Variants in TBCEL observed in about 807,000 individuals in gnomAD.
TBCEL encodes tubulin folding cofactor E like.
In TBCEL, 15 loss-of-function variants were observed where a neutral mutation model predicts 44.2. The observed-to-expected ratio is 0.34, with a 90% confidence interval of 0.23 to 0.52. The LOEUF (loss-of-function observed/expected upper bound fraction) is 0.52. TBCEL is among the 20% of genes least tolerant of loss of function. The probability of loss-of-function intolerance (pLI) is 0.95; values close to 1 mark genes in which losing one functional copy is unlikely to be tolerated. For synonymous variants in TBCEL, 171 were observed against 185.4 expected (o/e 0.92, Z 0.63); for missense variants, 319 against 506.3 (o/e 0.63, Z 3.55).
At chr11:121,052,291 C>T (rs561639553) in intron 4 of TBCEL, among the ~76,000 whole-genome samples, 2 of 151,692 alleles carry the variant, frequency 1.3e-5, no homozygotes, top group South Asian at 2.1e-4. Flanking sequence ...GTTGGGGGTA[C>T]GTAGGGAAAC....
intron 7 of TBCEL, among the ~76,000 whole-genome samples, chr11:121,059,566 A>C (rs1268809386): frequency 6.6e-6 from 1 of 152,000 alleles, no homozygotes; most frequent in Non-Finnish European, 1.5e-5. Context: ...TACATGTCAA[A>C]ATGATTATAT....
At chr11:121,049,307 G>A (rs1945487983) in intron 4 of TBCEL, among the ~76,000 whole-genome samples, 1 of 151,772 alleles carries the variant, frequency 6.6e-6, no homozygotes, top group African/African-American at 2.4e-5. Flanking sequence ...AGTAGATATT[G>A]AATGCTATAC....
chr11:121,039,448 G>A (rs575786828), intron 2 of TBCEL, among the ~76,000 whole-genome samples: 23 of 152,296 alleles, frequency 1.5e-4, no homozygotes, highest in African/African-American at 5.3e-4. Flanking sequence ...GCAGAGTTTG[G>A]ATTTTATTCC....
chr11:121,046,799 C>T (rs961639738), intron 3 of TBCEL, among the ~76,000 whole-genome samples: 2 of 151,986 alleles, frequency 1.3e-5, no homozygotes, highest in African/African-American at 4.8e-5. Context: ...TGTTTTTGAA[C>T]CAGGCAGTAG....
intron 8 of TBCEL, among the ~76,000 whole-genome samples, chr11:121,073,974 C>G (rs1945985705): frequency 1.3e-5 from 2 of 151,792 alleles, no homozygotes; most frequent in South Asian, 4.2e-4. Flanking sequence ...TGGGATGTTT[C>G]CATCTATTTT....
intron 7 of TBCEL, among the ~76,000 whole-genome samples, chr11:121,059,670 T>G (rs866538013): frequency 6.6e-6 from 1 of 152,032 alleles, no homozygotes; most frequent in Non-Finnish European, 1.5e-5. Flanking sequence ...TTAAAGAATT[T>G]AAAATTACAT....
In TBCEL at chr11:121,087,850, A is replaced by G. The variant is rs981335672; in HGVS notation, c.*754A>G. On this transcript the variant is annotated 3_prime_UTR_variant, in exon 9 of 9. Coordinates refer to ENST00000683345, the MANE Select transcript of TBCEL (RefSeq NM_001363644.2). Reference sequence around the variant, plus strand: ...CGGCAGAACAGTCTGATCTCTTTGTATGTTACTAACTCACTTTTAATGTCC... The same window carrying G: ...CGGCAGAACAGTCTGATCTCTTTGTGTGTTACTAACTCACTTTTAATGTCC... 5 of 152,188 alleles carry G rather than the reference A, an allele frequency of 3.3e-5. 1 individual carries two copies. Among genetic ancestry groups the G allele is most frequent in the Admixed American group, 2.6e-4 (4 of 15,268 alleles). 9.4% of individuals were successfully genotyped at this position (152,188 alleles called of 1,614,324 possible).
At chr11:121,083,782 G>A (rs1195245539) in intron 8 of TBCEL, among the ~76,000 whole-genome samples, 1 of 152,046 alleles carries the variant, frequency 6.6e-6, no homozygotes, top group Non-Finnish European at 1.5e-5. Flanking sequence ...AGGACTCATG[G>A]TGCTCTGTTT....
chr11:121,064,794 A>G (rs752666845), intron 8 of TBCEL, among the ~76,000 whole-genome samples: 3 of 152,052 alleles, frequency 2.0e-5, no homozygotes, highest in Non-Finnish European at 2.9e-5. Context: ...CACAATAATA[A>G]TTATAATCTC....
intron 4 of TBCEL, among the ~76,000 whole-genome samples, chr11:121,051,588 A>T (rs1945529919): frequency 6.6e-6 from 1 of 151,810 alleles, no homozygotes; most frequent in Non-Finnish European, 1.5e-5. Flanking sequence ...TTGGTCACAG[A>T]CTGAGCTCCA....
intron 8 of TBCEL, among the ~76,000 whole-genome samples, chr11:121,083,364 A>G (rs1946160426): frequency 6.6e-6 from 1 of 152,162 alleles, no homozygotes; most frequent in African/African-American, 2.4e-5. Flanking sequence ...AATAAGAATG[A>G]CTGTTCACTT....
chr11:121,083,237 G>A (rs187485539), intron 8 of TBCEL, among the ~76,000 whole-genome samples: 1 of 152,338 alleles, frequency 6.6e-6, no homozygotes, highest in African/African-American at 2.4e-5. Context: ...GGGTGAACAA[G>A]AGAAATGCAG....
chr11:121,066,571 A>G (rs1288109510), intron 8 of TBCEL, among the ~76,000 whole-genome samples: 1 of 152,240 alleles, frequency 6.6e-6, no homozygotes. Flanking sequence ...TTTACTCAGC[A>G]AATGTCTTTT....
intron 1 of TBCEL, among the ~76,000 whole-genome samples, chr11:121,031,726 A>G (rs1191655487): frequency 8.3e-6 from 1 of 121,092 alleles, no homozygotes; most frequent in Non-Finnish European, 1.6e-5. Context: ...GTGCAGTGGT[A>G]TGATCTCTGC....
intron 8 of TBCEL, among the ~76,000 whole-genome samples, chr11:121,072,885 A>C (rs1230467087): frequency 6.6e-6 from 1 of 152,152 alleles, no homozygotes; most frequent in African/African-American, 2.4e-5. Flanking sequence ...ATAGTTTCAA[A>C]TAGAGATCTG....
intron 6 of TBCEL, among the ~76,000 whole-genome samples, chr11:121,056,693 G>T (rs537587596): frequency 6.6e-6 from 1 of 151,840 alleles, no homozygotes; most frequent in South Asian, 2.1e-4. Flanking sequence ...GTATATTGGG[G>T]TATCTTGTTT....
chr11:121,072,093 T>G (rs1033675749), intron 8 of TBCEL, among the ~76,000 whole-genome samples: 2 of 152,206 alleles, frequency 1.3e-5, no homozygotes, highest in African/African-American at 4.8e-5. Context: ...TCCCTGTTGC[T>G]TACAGCCTTT....
chr11:121,051,462 C>T (rs1945527702), intron 4 of TBCEL, among the ~76,000 whole-genome samples: 1 of 151,698 alleles, frequency 6.6e-6, no homozygotes, highest in South Asian at 2.1e-4. Context: ...CCTCCAACCT[C>T]CACAAAGAGG....
At chr11:121,026,682 G>A (rs953597328) in intron 1 of TBCEL, among the ~76,000 whole-genome samples, 18 of 152,190 alleles carry the variant, frequency 1.2e-4, no homozygotes, top group African/African-American at 4.3e-4. Flanking sequence ...ATTAGGTACT[G>A]ATAGAGGCGT....
Sources: gnomAD v4.1 joint callset for allele counts (sites outside exome capture counted in the v4.1 genomes callset) on GRCh38, gnomAD v4.1.1 for gene constraint, MANE v1.5 for transcripts, NCBI Gene and HGNC (gene_info 2026-07-23, HGNC 2026-07-21) for gene names.